The following PXK variants were observed in gnomAD, a reference collection of about 807,000 sequenced individuals.
PXK encodes the protein PX domain-containing protein kinase-like protein.
In PXK, 35 loss-of-function variants were observed where a neutral mutation model predicts 84.7. That is an observed-to-expected ratio of 0.41 (90% CI 0.32 to 0.55). PXK has a LOEUF of 0.55. Ranked by LOEUF, PXK falls within the 20% of genes least tolerant of loss-of-function variation. The probability of loss-of-function intolerance (pLI) is 0.21; values close to 1 mark genes in which losing one functional copy is unlikely to be tolerated. For missense variants in PXK, 634 were observed against 699.7 expected, an observed-to-expected ratio of 0.91 and a Z score of 1.06; for synonymous variants, 253 against 260.8, an observed-to-expected ratio of 0.97 and a Z score of 0.29.
At chr3:58,413,838 A>G (rs968013453) in intron 17 of PXK, 4 of 152,320 alleles carry the variant, frequency 2.6e-5, no homozygotes, top group Admixed American at 2.6e-4. Context: ...TTGATCCCAT[A>G]TTCATTATTA....
rs2057982051 is a variant in PXK, at chr3:58,398,053, T to G, written c.1102+331T>G. The stretch of plus-strand genomic sequence containing the variant: ...AGAGCCAGGCAACTTGAAGCCAGTC[T>G]TGAGGACCCAGGCAGGTGTCAGACG... On this transcript the variant is annotated intron_variant, in intron 11 of 17. Transcript: ENST00000356151. This position sits in a 1 kb window ranked among gnomAD's most constrained non-coding sequence, Gnocchi z 4.5. Among the ~76,000 whole-genome samples, 1 of 152,136 alleles carries G rather than the reference T, an allele frequency of 6.6e-6. No individual in the cohort carries two copies. The highest frequency in any genetic ancestry group is 1.9e-4 in the East Asian group (1 of 5,188).
chr3:58,409,588 A>G lies in PXK; in HGVS notation c.1365A>G (p.Glu455=). ...AGTCCCACCATGGATCTGAGGAGGAAAGAAAAAAAAGAAAGATTTTAGCTC... is the reference window on the plus strand; with the variant it reads ...AGTCCCACCATGGATCTGAGGAGGAGAGAAAAAAAAGAAAGATTTTAGCTC... ...RAQSHHGSEE[E]RKKRKILARK... Residue 455 remains glutamate, a synonymous_variant, in exon 15 of 18, where the codon GAA becomes GAG. Transcript: ENST00000356151. This position sits in a 1 kb window ranked among gnomAD's most constrained non-coding sequence, Gnocchi z 4.2. The G allele has an allele frequency of 2.5e-6, 4 of 1,612,888 alleles. No homozygotes were observed. The highest frequency in any genetic ancestry group is 1.1e-5 in the South Asian group (1 of 90,952).
chr3:58,334,575 A>C (rs566992281), intron 1 of PXK, among the ~76,000 whole-genome samples: 2 of 152,168 alleles, frequency 1.3e-5, no homozygotes, highest in Non-Finnish European at 2.9e-5. Flanking sequence ...ATGTTTCTAA[A>C]TACTCACAAA....
rs569843379 is a variant in PXK at position 58,409,130 on chromosome 3, G to A, written c.1308+129G>A. On this transcript the variant is annotated intron_variant, in intron 14 of 17. Transcript: ENST00000356151. The surrounding 1 kb of genome is among the most constrained non-coding windows in gnomAD (Gnocchi z 4.2). ...ATACTTACTCTCAGCCAGCCTTTAG[G>A]CTAAATGCTTCCCTGCAGAGCTGAA... 2 of 696,396 alleles carry A rather than the reference G, an allele frequency of 2.9e-6. No homozygotes were observed. Among genetic ancestry groups the A allele is most frequent in the Non-Finnish European group, 2.4e-6 (1 of 412,002 alleles). The allele number at this position is 696,396 out of a possible 1,614,324, so 43.1% of individuals were successfully genotyped here.
At chr3:58,420,857 G>C in intron 17 of PXK, 2 of 1,218,316 alleles carry the variant, frequency 1.6e-6, no homozygotes, top group South Asian at 4.4e-5. Flanking sequence ...ATGGCATTTT[G>C]GTATATTTTA....
At position 58,412,462 on chromosome 3, in the gene PXK, C is replaced by T. The variant is rs1234357013; in HGVS notation, c.1466-439C>T. Among the ~76,000 whole-genome samples, 12 of 152,078 alleles carry T rather than the reference C, an allele frequency of 7.9e-5. No homozygotes were observed. Among genetic ancestry groups the T allele is most frequent in the Non-Finnish European group, 1.6e-4 (11 of 68,022 alleles). Reference sequence around the variant, plus strand: ...GATAAAATGGAACTTCGGCAGAATGCGTTACTGGGTGGATGCTGTACGGGG... The same window carrying T: ...GATAAAATGGAACTTCGGCAGAATGTGTTACTGGGTGGATGCTGTACGGGG... On this transcript the variant is annotated intron_variant, in intron 16 of 17. Transcript: ENST00000356151. The surrounding 1 kb of genome is among the most constrained non-coding windows in gnomAD (Gnocchi z 6.2).
At position 58,416,487 on chromosome 3, in the gene PXK, C is replaced by T. The variant is rs2060979605; in HGVS notation, c.1528+3524C>T. 6.6e-6 allele frequency among the ~76,000 whole-genome samples: 1 copy of T among 152,180 alleles called. No individual in the cohort carries two copies. The highest frequency in any genetic ancestry group is 1.5e-5 in the Non-Finnish European group (1 of 68,040). On this transcript the variant is annotated intron_variant, in intron 17 of 17. Coordinates refer to ENST00000356151, the MANE Select transcript of PXK (RefSeq NM_017771.5). This position sits in a 1 kb window ranked among gnomAD's most constrained non-coding sequence, Gnocchi z 4.8. ...TGTTTGTTCAGATTCTGCTTGGCCT[C>T]TCTGTACAGCTTTCCTTCTTCTAGG... is the stretch of plus-strand genomic sequence containing the variant.
intron 17 of PXK, chr3:58,420,848 T>G: frequency 8.0e-7 from 1 of 1,251,554 alleles, no homozygotes; most frequent in Non-Finnish European, 1.0e-6. Context: ...ATCAACTGCA[T>G]GGCATTTTGG....
intron 4 of PXK, among the ~76,000 whole-genome samples, chr3:58,382,933 G>T (rs546472262): frequency 6.6e-6 from 1 of 152,330 alleles, no homozygotes; most frequent in East Asian, 1.9e-4. Flanking sequence ...ATATGGAAGA[G>T]AAATTATTGT....
Position 58,375,979 on chromosome 3 carries a change from T to C in PXK, c.201+6501T>C, listed in dbSNP as rs1005859242. On this transcript the variant is annotated intron_variant, in intron 3 of 17. Transcript: ENST00000356151. ...CAGCTACCCTCCAAAATAATAATTA[T>C]CTTGTTTTTATTAATCTTTCTTAAA... Among the ~76,000 whole-genome samples, 26 of 152,192 alleles carry C rather than the reference T, an allele frequency of 1.7e-4. 1 individual carries two copies. Among genetic ancestry groups the C allele is most frequent in the African/African-American group, 5.3e-4 (22 of 41,438 alleles).
In PXK at chr3:58,357,839, A is replaced by G. The variant is rs141635305; in HGVS notation, c.103-8035A>G. Among the ~76,000 whole-genome samples, 636 of 152,216 alleles carry G rather than the reference A, an allele frequency of 4.2e-3. 4 individuals are homozygous for G. The highest frequency in any genetic ancestry group is 0.014 in the African/African-American group (576 of 41,526). ...GTGGTGGGCACCTGTAATCCCAGCT[A>G]CTTGGGAAGCTGAGGCAGGAGAATT... is the stretch of plus-strand genomic sequence containing the variant. On this transcript the variant is annotated intron_variant, in intron 1 of 17. Coordinates refer to ENST00000356151, the MANE Select transcript of PXK (RefSeq NM_017771.5).
chr3:58,372,119 CATATA>C (rs1175862383), intron 3 of PXK, among the ~76,000 whole-genome samples: 1 of 151,950 alleles, frequency 6.6e-6, no homozygotes, highest in East Asian at 1.9e-4. Flanking sequence ...TTATATATGC[CATATA>C]ATATAATTAC....
At chr3:58,336,452 C>T (rs746706432) in intron 1 of PXK, among the ~76,000 whole-genome samples, 45 of 152,176 alleles carry the variant, frequency 3.0e-4, no homozygotes, top group Non-Finnish European at 6.0e-4. Context: ...TAGACCAGCC[C>T]TCTGCTGCAA....
intron 1 of PXK, among the ~76,000 whole-genome samples, chr3:58,360,238 A>G (rs2098160307): frequency 6.6e-6 from 1 of 152,196 alleles, no homozygotes; most frequent in Non-Finnish European, 1.5e-5. Flanking sequence ...TTGAGCGGAT[A>G]TTGTTGAACG....
chr3:58,378,227 A>T (rs1008969875), intron 3 of PXK, among the ~76,000 whole-genome samples: 1 of 152,136 alleles, frequency 6.6e-6, no homozygotes, highest in Non-Finnish European at 1.5e-5. Flanking sequence ...TTCAGGCAGG[A>T]TATTAGAAGA....
At chr3:58,419,768 C>T (rs1000176943) in intron 17 of PXK, among the ~76,000 whole-genome samples, 2 of 152,186 alleles carry the variant, frequency 1.3e-5, no homozygotes, top group South Asian at 4.1e-4. Flanking sequence ...CAGGAAAAGG[C>T]TGTGGGGCAG....
intron 1 of PXK, among the ~76,000 whole-genome samples, chr3:58,345,881 G>A (rs932361078): frequency 1.2e-4 from 18 of 152,260 alleles, no homozygotes; most frequent in East Asian, 1.2e-3. Flanking sequence ...GGGGCACCTC[G>A]TTGTTCATCC....
intron 1 of PXK, among the ~76,000 whole-genome samples, chr3:58,340,056 G>C (rs1294912967): frequency 6.6e-6 from 1 of 151,558 alleles, no homozygotes; most frequent in Non-Finnish European, 1.5e-5. Flanking sequence ...GACCTCAGGT[G>C]ATCCACCCGC....
At chr3:58,365,650 A>G (rs1456970085) in intron 1 of PXK, among the ~76,000 whole-genome samples, 1 of 152,082 alleles carries the variant, frequency 6.6e-6, no homozygotes, top group East Asian at 1.9e-4. Context: ...TGCCTCACAT[A>G]TTTTACAGCT....
Sources: gnomAD v4.1 joint callset for allele counts (sites outside exome capture counted in the v4.1 genomes callset) on GRCh38, gnomAD v4.1.1 for gene constraint, Gnocchi (gnomAD v3.1) non-coding constraint, MANE v1.5 for transcripts, NCBI Gene and HGNC (gene_info 2026-07-23, HGNC 2026-07-21) for gene names.